Variants in MNT observed in about 807,000 individuals in gnomAD.
The protein encoded by MNT is MAX network transcriptional repressor, also known as max-binding protein MNT.
Under a neutral mutation model 40.7 loss-of-function variants are expected in MNT, and 13 were observed. That is an observed-to-expected ratio of 0.32 (90% CI 0.21 to 0.51). The LOEUF (loss-of-function observed/expected upper bound fraction) is 0.51. MNT is among the 20% of genes least tolerant of loss of function. The pLI, the probability that MNT is intolerant of heterozygous loss-of-function variation, is 0.98. For missense variants in MNT, 757 were observed against 792.0 expected, an observed-to-expected ratio of 0.96 and a Z score of 0.53; for synonymous variants, 426 against 354.8, an observed-to-expected ratio of 1.20 and a Z score of -2.26.
intron 4 of MNT, among the ~76,000 whole-genome samples, chr17:2,393,308 G>A (rs2066540167): frequency 2.0e-5 from 3 of 152,042 alleles, no homozygotes; most frequent in East Asian, 3.9e-4. Flanking sequence ...CTGACGTGGC[G>A]GCGCCCCCGG....
chr17:2,392,111 C>T (rs1545717), intron 4 of MNT: 45,702 of 152,086 alleles, frequency 0.3, 7,491 homozygotes, highest in East Asian at 0.43. Context: ...TCCCGCCGCC[C>T]GGTCCCTATT....
chr17:2,389,679 T>G (rs2066497512), intron 4 of MNT: 1 of 152,320 alleles, frequency 6.6e-6, no homozygotes, highest in African/African-American at 2.4e-5. Flanking sequence ...CCTGTATCTC[T>G]CACTCCCCTC....
chr17:2,395,455 C>T lies in MNT; in HGVS notation c.74-1G>A. ...TCCAAGCGAAGCCGCTCCTGCTCCT[C>T]TACACAGAGAGAACACAAGGGGGGG... On this transcript the variant is annotated splice_acceptor_variant, in intron 1 of 5. Coordinates refer to ENST00000174618, the MANE Select transcript of MNT (RefSeq NM_020310.3). LOFTEE classifies it high-confidence loss of function. 6.2e-7 allele frequency: 1 copy of T among 1,611,804 alleles called. No homozygotes were observed. Among genetic ancestry groups the T allele is most frequent in the Non-Finnish European group, 8.5e-7 (1 of 1,179,902 alleles).
Position 2,395,168 on chromosome 17 carries a change from C to A in MNT, c.360G>T (p.Gln120His). Reference protein sequence around the residue: ...AAQPLPLAPRQPALVGAPGLS... With the variant: ...AAQPLPLAPRHPALVGAPGLS... ...GTCCGGGGGCGCCAACCAGGGCCGGCTGACGAGGCGCCAGGGGCAGAGGCT... is the reference window on the plus strand; with the variant it reads ...GTCCGGGGGCGCCAACCAGGGCCGGATGACGAGGCGCCAGGGGCAGAGGCT... The change falls in exon 2 of 6, where the codon CAG becomes CAT. Residue 120 changes from glutamine (Q) to histidine (H), a missense_variant. Physicochemically the swap from Gln to His is conservative, Grantham distance 24. Transcript: ENST00000174618. 6.9e-7 allele frequency: 1 copy of A among 1,443,168 alleles called. No individual in the cohort carries two copies. The highest frequency in any genetic ancestry group is 1.4e-5 in the South Asian group (1 of 70,038). The allele number at this position is 1,443,168 out of a possible 1,614,324, so 89.4% of individuals were successfully genotyped here.
At chr17:2,393,544 G>C (rs1343594272) in intron 4 of MNT, among the ~76,000 whole-genome samples, 1 of 152,210 alleles carries the variant, frequency 6.6e-6, no homozygotes, top group East Asian at 1.9e-4. Flanking sequence ...GCTCCGAAAA[G>C]ACCTTCCTCC....
chr17:2,388,610 G>C (rs900496859), intron 4 of MNT, among the ~76,000 whole-genome samples: 1 of 151,866 alleles, frequency 6.6e-6, no homozygotes, highest in African/African-American at 2.4e-5. Context: ...GACGCTTCTC[G>C]ACGAGGCTCC....
At chr17:2,397,755 C>G (rs1451106944) in intron 1 of MNT, among the ~76,000 whole-genome samples, 2 of 152,154 alleles carry the variant, frequency 1.3e-5, no homozygotes, top group Non-Finnish European at 2.9e-5. Context: ...TCCCACCCAG[C>G]GGCAACCCTC....
chr17:2,388,643 C>A (rs890573810), intron 4 of MNT, among the ~76,000 whole-genome samples: 1 of 152,118 alleles, frequency 6.6e-6, no homozygotes, highest in African/African-American at 2.4e-5. Flanking sequence ...CTCCCCATCA[C>A]CCTGCCCACT....
chr17:2,391,609 C>T (rs922870220), intron 4 of MNT: 1 of 152,226 alleles, frequency 6.6e-6, no homozygotes, highest in Non-Finnish European at 1.5e-5. Flanking sequence ...TGTCTCTGTC[C>T]ACTTTACTGT....
At position 2,394,414 on chromosome 17, in the gene MNT, G is replaced by A. The variant is rs546172643; in HGVS notation, c.654-68C>T. ...TTAGACGGCCTTCCTGACCAGCGCC[G>A]CCACCCGCAAAATTGCCACAGGCTG... On this transcript the variant is annotated intron_variant, in intron 2 of 5. Coordinates refer to ENST00000174618, the MANE Select transcript of MNT (RefSeq NM_020310.3). 2.2e-5 allele frequency: 35 copies of A among 1,605,300 alleles called. No individual in the cohort carries two copies. In the South Asian group the frequency reaches 2.8e-4, roughly 13 times the overall value.
intron 4 of MNT, among the ~76,000 whole-genome samples, chr17:2,393,221 C>T (rs2066539256): frequency 2.6e-5 from 4 of 151,858 alleles, no homozygotes; most frequent in Admixed American, 2.6e-4. Flanking sequence ...GGCCCATCCC[C>T]CACAGCCTCC....
In MNT at chr17:2,395,293, G is replaced by C. The variant is rs751037795; in HGVS notation, c.235C>G (p.Pro79Ala). 1 of 1,580,850 alleles carries C rather than the reference G, an allele frequency of 6.3e-7. No individual in the cohort carries two copies. Among genetic ancestry groups the C allele is most frequent in the Non-Finnish European group, 8.6e-7 (1 of 1,161,310 alleles). ...GTCAGTGGGGCAGGGGTGGCAAGTG[G>C]TGGTGGGGGTGCCGGCGGGGGAGCC... The part of the protein sequence containing the change: ...PPAPPPAPPP[P>A]LATPAPLTVI... The change falls in exon 2 of 6, where the codon CCA (proline) becomes GCA (alanine). Residue 79 changes from proline to alanine, a missense_variant. Physicochemically the swap from Pro to Ala is conservative, Grantham distance 27. Around this residue, in one of 4 missense-constraint regions of MNT, gnomAD observed 335 missense variants for 291.4 expected, o/e 1.15. Coordinates refer to ENST00000174618, the MANE Select transcript of MNT (RefSeq NM_020310.3).
Position 2,386,543 on chromosome 17 carries a change from A to G in MNT, c.*358T>C. The G allele has an allele frequency of 4.3e-6, 1 of 233,568 alleles. No individual in the cohort carries two copies. Among genetic ancestry groups the G allele is most frequent in the East Asian group, 8.6e-5 (1 of 11,604 alleles). 14.5% of individuals were successfully genotyped at this position (233,568 alleles called of 1,614,324 possible). On this transcript the variant is annotated 3_prime_UTR_variant, in exon 6 of 6. Transcript: ENST00000174618. ...ACCAGACAGCAATAGCAGCAGCAGC[A>G]CACGAAGGCGGGGCAGGGCGGGGGA...
rs535164398 is a variant in MNT, at chr17:2,386,546, C to T, written c.*355G>A. The stretch of plus-strand genomic sequence containing the variant: ...AGACAGCAATAGCAGCAGCAGCACA[C>T]GAAGGCGGGGCAGGGCGGGGGAGAA... On this transcript the variant is annotated 3_prime_UTR_variant, in exon 6 of 6. Coordinates refer to ENST00000174618, the MANE Select transcript of MNT (RefSeq NM_020310.3). 3.3e-4 allele frequency: 81 copies of T among 242,672 alleles called. No individual in the cohort carries two copies. Among genetic ancestry groups the T allele is most frequent in the Non-Finnish European group, 4.9e-4 (62 of 125,468 alleles). 15.0% of individuals were successfully genotyped at this position (242,672 alleles called of 1,614,324 possible).
rs1363870932 is a variant in MNT, at chr17:2,400,646, C to T, written c.67G>A (p.Ala23Thr). ...GCCCAGCCCGGCCGCTCACCACGTG[C>T]TCTCTGTTGTTGCTGCGCTTGCCAT... is the stretch of plus-strand genomic sequence containing the variant. ...LEWQAQQQQR[A>T]REEQERLRLE... The change falls in exon 1 of 6, where the codon GCA (alanine) becomes ACA (threonine). Residue 23 changes from alanine (A) to threonine (T), a missense_variant. Physicochemically the swap from Ala to Thr is moderately conservative, Grantham distance 58 (BLOSUM62 0). This residue lies in a region of MNT where 335 missense variants were observed against 291.4 expected (regional missense o/e 1.15). Coordinates refer to ENST00000174618, the MANE Select transcript of MNT (RefSeq NM_020310.3). The T allele has an allele frequency of 2.5e-6, 4 of 1,584,726 alleles. No homozygotes were observed. The highest frequency in any genetic ancestry group is 2.5e-5 in the East Asian group (1 of 40,366).
rs1428293775 is a variant in MNT, at chr17:2,387,987, A to G, written c.870T>C (p.Ile290=). ...GCTCTGCCAGCCGCTGCTGCGTGGC[A>G]ATCTTCTCACGTGCCAGCCGCTCCA... ...HEMERLAREK[I]ATQQRLAELK... The change falls in exon 5 of 6, where the codon ATT becomes ATC. Residue 290 remains isoleucine, a synonymous_variant. Transcript: ENST00000174618. 3 of 1,585,920 alleles carry G rather than the reference A, an allele frequency of 1.9e-6. No homozygotes were observed. The highest frequency in any genetic ancestry group is 2.7e-5 in the African/African-American group (2 of 74,010).
In MNT at chr17:2,384,962, G is replaced by C. The variant is rs981096792; in HGVS notation, c.*1939C>G. ...GAGAGGTGGGCAGGCTGAGGGGAGG[G>C]GCGAGCTCCACGAGGCTGCTCTAAC... On this transcript the variant is annotated 3_prime_UTR_variant, in exon 6 of 6. Coordinates refer to ENST00000174618, the MANE Select transcript of MNT (RefSeq NM_020310.3). The C allele has an allele frequency of 6.6e-6, 1 of 152,418 alleles. No individual in the cohort carries two copies. The highest frequency in any genetic ancestry group is 1.5e-5 in the Non-Finnish European group (1 of 68,118). The allele number at this position is 152,418 out of a possible 1,614,324, so 9.4% of individuals were successfully genotyped here. A position where few individuals can be genotyped will look rare whatever the true frequency, so the allele number is the denominator to read the frequency against.
At chr17:2,395,647 G>C (rs959824581) in intron 1 of MNT, among the ~76,000 whole-genome samples, 193 bp from the exon 2 acceptor site, 2 of 152,174 alleles carry the variant, frequency 1.3e-5, no homozygotes, top group Non-Finnish European at 2.9e-5. Context: ...AAATCAAGCA[G>C]ACCTGTTCCC....
In MNT at chr17:2,395,272, G is replaced by C. The variant is rs767273231; in HGVS notation, c.256C>G (p.Leu86Val). 6.4e-7 allele frequency: 1 copy of C among 1,552,544 alleles called. No individual in the cohort carries two copies. Among genetic ancestry groups the C allele is most frequent in the Non-Finnish European group, 8.7e-7 (1 of 1,143,960 alleles). Residue 86 changes from leucine to valine, a missense_variant, in exon 2 of 6, where the codon CTG becomes GTG. This residue lies in a region of MNT where 335 missense variants were observed against 291.4 expected (regional missense o/e 1.15). Transcript: ENST00000174618. ...ACCACAGGGATAGGGATGACAGTCA[G>C]TGGGGCAGGGGTGGCAAGTGGTGGT... ...PPPPLATPAP[L>V]TVIPIPVVTN...
Sources: gnomAD v4.1 joint callset for allele counts (sites outside exome capture counted in the v4.1 genomes callset) on GRCh38, gnomAD v4.1.1 for gene constraint, gnomAD v4.1.1 regional missense constraint, MANE v1.5 for transcripts, NCBI Gene and HGNC (gene_info 2026-07-23, HGNC 2026-07-21) for gene names.